The following CDH18 variants were observed in gnomAD, a reference collection of about 807,000 sequenced individuals.
CDH18 encodes cadherin 18.
CDH18 carries 31 observed loss-of-function variants against 67.9 expected under a neutral mutation model. The ratio of observed to expected loss-of-function variants is 0.46; its 90% confidence interval spans 0.34 to 0.62. CDH18 has a LOEUF of 0.62. Ranked by LOEUF, CDH18 falls within the 20% of genes least tolerant of loss-of-function variation. The probability of loss-of-function intolerance (pLI) is 0.01; values close to 1 mark genes in which losing one functional copy is unlikely to be tolerated. For missense variants in CDH18, 890 were observed against 975.5 expected (o/e 0.91, Z 1.17); for synonymous variants, 362 against 347.2 (o/e 1.04, Z -0.48).
chr5:20,247,250 C>T (rs543812955), intron 2 of CDH18, among the ~76,000 whole-genome samples: 18 of 152,278 alleles, frequency 1.2e-4, no homozygotes, highest in African/African-American at 4.1e-4. Flanking sequence ...AAAATTGGCC[C>T]TTCATTACTT....
intron 1 of CDH18, among the ~76,000 whole-genome samples, chr5:20,291,030 T>C (rs2974594): frequency 0.12 from 18,368 of 152,004 alleles, 1,625 homozygotes; most frequent in African/African-American, 0.24. Context: ...ACCCATGGTC[T>C]TAAATATGAG....
At chr5:19,504,294 C>G (rs1400345738) in intron 10 of CDH18, among the ~76,000 whole-genome samples, 1 of 152,062 alleles carries the variant, frequency 6.6e-6, no homozygotes, top group Non-Finnish European at 1.5e-5. Flanking sequence ...ACCGCCTTTC[C>G]ATCACTGCTC....
chr5:20,078,378 G>T (rs1160404944), intron 2 of CDH18, among the ~76,000 whole-genome samples: 2 of 151,902 alleles, frequency 1.3e-5, no homozygotes, highest in Non-Finnish European at 2.9e-5. Flanking sequence ...CAGGGGAATT[G>T]CTTGAACCAG....
chr5:19,952,737 T>C (rs1795920997), intron 2 of CDH18, among the ~76,000 whole-genome samples: 1 of 152,172 alleles, frequency 6.6e-6, no homozygotes, highest in African/African-American at 2.4e-5. Context: ...AGTAAATCTA[T>C]AGTTCAAGAC....
chr5:19,668,517 T>C (rs971475381), intron 5 of CDH18, among the ~76,000 whole-genome samples: 2 of 152,070 alleles, frequency 1.3e-5, no homozygotes, highest in Non-Finnish European at 2.9e-5. Context: ...GAGATAACTG[T>C]CTATCAAGCA....
chr5:19,678,132 G>A (rs951055230), intron 5 of CDH18, among the ~76,000 whole-genome samples: 1 of 151,274 alleles, frequency 6.6e-6, no homozygotes, highest in Non-Finnish European at 1.5e-5. Flanking sequence ...GTGACTAATG[G>A]ACATCAGTAG....
intron 5 of CDH18, among the ~76,000 whole-genome samples, chr5:19,626,906 T>C (rs1404335939): frequency 3.3e-5 from 5 of 152,162 alleles, no homozygotes; most frequent in Non-Finnish European, 7.4e-5. Context: ...TAGATATAAT[T>C]ATAATTAAAC....
chr5:19,635,301 T>G (rs974638566), intron 5 of CDH18, among the ~76,000 whole-genome samples: 1 of 152,164 alleles, frequency 6.6e-6, no homozygotes, highest in African/African-American at 2.4e-5. Context: ...CTGGGAACCT[T>G]TTTGACATAG....
In CDH18 at chr5:19,499,493, C is replaced by T. The variant is rs536038486; in HGVS notation, c.1630+3499G>A. On this transcript the variant is annotated intron_variant, in intron 11 of 12. Coordinates refer to ENST00000382275, the MANE Select transcript of CDH18 (RefSeq NM_004934.5). ...TATATCATTAAATTTCTACATATCT[C>T]TATGTGGATCTATATAGTTCTCTAT... Among the ~76,000 whole-genome samples the T allele has an allele frequency of 2.9e-4, 44 of 152,016 alleles. No individual in the cohort carries two copies. The South Asian group carries it at 8.7e-3, about 30-fold the overall frequency.
At chr5:20,107,889 A>G (rs1056153289) in intron 2 of CDH18, among the ~76,000 whole-genome samples, 8 of 149,606 alleles carry the variant, frequency 5.3e-5, no homozygotes, top group East Asian at 2.0e-4. Context: ...AGCATTAGGT[A>G]TATCCCCTAA....
intron 2 of CDH18, among the ~76,000 whole-genome samples, chr5:19,858,066 T>C (rs1435539936): frequency 1.3e-5 from 2 of 152,168 alleles, no homozygotes; most frequent in East Asian, 1.9e-4. Context: ...GGCTTATTCA[T>C]TGCCGATATA....
At position 19,847,036 on chromosome 5, in the gene CDH18, ACTTTT is replaced by A. The variant is rs1209964666; in HGVS notation, c.-256-7799_-256-7795del. ...GAAGTTCTCTTTCATGTGATGAGTC[ACTTTT>A]CTTTTGTTTCTTTCCAAATTCTCTT... On this transcript the variant is annotated intron_variant, in intron 2 of 12. Coordinates refer to ENST00000382275, the MANE Select transcript of CDH18 (RefSeq NM_004934.5). Among the ~76,000 whole-genome samples the A allele has an allele frequency of 1.0e-3, 154 of 151,932 alleles. 1 individual carries two copies. The highest frequency in any genetic ancestry group is 3.7e-3 in the African/African-American group (152 of 41,440).
intron 5 of CDH18, among the ~76,000 whole-genome samples, chr5:19,686,124 A>C (rs1177149794): frequency 6.6e-6 from 1 of 152,162 alleles, no homozygotes; most frequent in Non-Finnish European, 1.5e-5. Context: ...TATTATTGTT[A>C]GTTCTGATAT....
intron 2 of CDH18, among the ~76,000 whole-genome samples, chr5:20,226,569 C>T (rs1219661615): frequency 2.0e-5 from 3 of 151,988 alleles, no homozygotes; most frequent in African/African-American, 4.8e-5. Context: ...CACTTTAAAA[C>T]ATGAAAATAT....
In CDH18 at chr5:19,489,526, T is replaced by C. The variant is rs113336429; in HGVS notation, c.1631-5974A>G. 2.2e-3 allele frequency among the ~76,000 whole-genome samples: 333 copies of C among 152,172 alleles called. 2 individuals carry two copies. Among genetic ancestry groups the C allele is most frequent in the African/African-American group, 6.6e-3 (275 of 41,538 alleles). ...CCTCCCATAGTGCTGGGATTACAGG[T>C]GTGAGCCACCGCGCCTGGCCAATAT... On this transcript the variant is annotated intron_variant, in intron 11 of 12. Transcript: ENST00000382275.
chr5:19,479,069 T>A (rs1198706194), intron 12 of CDH18, among the ~76,000 whole-genome samples: 1 of 152,178 alleles, frequency 6.6e-6, no homozygotes, highest in Non-Finnish European at 1.5e-5. Flanking sequence ...CAATCTTTAA[T>A]AAAACAAGAA....
intron 5 of CDH18, among the ~76,000 whole-genome samples, chr5:19,657,595 A>G (rs1382654650): frequency 6.6e-6 from 1 of 152,146 alleles, no homozygotes; most frequent in Non-Finnish European, 1.5e-5. Flanking sequence ...AGTAATTTAA[A>G]GTTTCATTTT....
intron 1 of CDH18, among the ~76,000 whole-genome samples, chr5:19,984,482 G>A (rs956113336): frequency 1.3e-5 from 2 of 152,104 alleles, no homozygotes; most frequent in Admixed American, 1.3e-4. Flanking sequence ...AAATTTAGAT[G>A]TTCACTTTCA....
intron 2 of CDH18, among the ~76,000 whole-genome samples, chr5:19,941,735 C>T (rs1171045596): frequency 6.6e-6 from 1 of 151,744 alleles, no homozygotes; most frequent in Non-Finnish European, 1.5e-5. Context: ...TGCAATGTGC[C>T]GTGATTGTGT....
Sources: allele counts gnomAD v4.1 joint callset (sites outside exome capture counted in the v4.1 genomes callset), GRCh38; gene constraint gnomAD v4.1.1; transcripts MANE v1.5; gene names NCBI Gene and HGNC (gene_info 2026-07-23, HGNC 2026-07-21).